MAT1A: variants seen among roughly 807,000 people sequenced by gnomAD.
MAT1A encodes S-adenosylmethionine synthase isoform type-1.
In MAT1A, 19 loss-of-function variants were observed where a neutral mutation model predicts 44.0. The ratio of observed to expected loss-of-function variants is 0.43; its 90% CI spans 0.30 to 0.63. MAT1A has a LOEUF of 0.63. MAT1A is among the 30% of genes least tolerant of loss of function. The pLI, the probability that MAT1A is intolerant of heterozygous loss-of-function variation, is 0.12. For synonymous variants in MAT1A, 205 were observed against 205.6 expected (o/e 1.00, Z 0.03); for missense variants, 397 against 531.0 (o/e 0.75, Z 2.48).
rs116659053 is a variant in MAT1A at position 80,274,539 on chromosome 10, G to A, written c.1066C>T (p.Arg356Trp). Reference protein sequence around the residue: ...LDVVHKNFDLRPGVIVRDLDL... With the variant: ...LDVVHKNFDLWPGVIVRDLDL... ...CTTTACCTGACAATGACGCCCGGCCGGAGGTCGAAGTTCTTATGCACCACA... is the reference window on the plus strand; with the variant it reads ...CTTTACCTGACAATGACGCCCGGCCAGAGGTCGAAGTTCTTATGCACCACA... The change falls in exon 8 of 9, where the codon CGG (arginine) becomes TGG (tryptophan). Residue 356 changes from arginine (R) to tryptophan (W), a missense_variant. By Grantham distance (101) the Arg-to-Trp change is moderately radical (BLOSUM62 -3). Transcript: ENST00000372213. 3 of 1,614,210 alleles carry A rather than the reference G, an allele frequency of 1.9e-6. No homozygotes were observed. Among genetic ancestry groups the A allele is most frequent in the African/African-American group, 1.3e-5 (1 of 75,048 alleles).
chr10:80,281,876 C>T (rs747910020), intron 3 of MAT1A, among the ~76,000 whole-genome samples: 1 of 152,136 alleles, frequency 6.6e-6, no homozygotes, highest in Non-Finnish European at 1.5e-5. Flanking sequence ...CACTAGGTCC[C>T]TGCCTAGAAC....
At chr10:80,289,199 T>C in intron 1 of MAT1A, 134 bp downstream of exon 1, 2 of 772,438 alleles carry the variant, frequency 2.6e-6, no homozygotes, top group South Asian at 2.8e-5. Flanking sequence ...GTTATACTCA[T>C]GGATCAAAAC....
chr10:80,282,108 A>G (rs1327488889), intron 3 of MAT1A, among the ~76,000 whole-genome samples: 1 of 152,222 alleles, frequency 6.6e-6, no homozygotes, highest in Non-Finnish European at 1.5e-5. Context: ...AACAGTCTTT[A>G]AAGAACTGCC....
intron 5 of MAT1A, among the ~76,000 whole-genome samples, chr10:80,279,607 A>G (rs1360457645): frequency 6.6e-6 from 1 of 152,122 alleles, no homozygotes; most frequent in Non-Finnish European, 1.5e-5. Flanking sequence ...TCAGCCTTCA[A>G]ATATAGGCCT....
At chr10:80,281,102 C>T (rs1841560455) in intron 3 of MAT1A, among the ~76,000 whole-genome samples, 1 of 152,144 alleles carries the variant, frequency 6.6e-6, no homozygotes, top group African/African-American at 2.4e-5. Context: ...CAAGGTGATG[C>T]CAAGGCTCCT....
intron 5 of MAT1A, among the ~76,000 whole-genome samples, chr10:80,278,852 C>T (rs928100374): frequency 2.6e-5 from 4 of 152,212 alleles, no homozygotes; most frequent in Admixed American, 6.5e-5. Flanking sequence ...AAGGCGCTGG[C>T]GCTGTCTGCT....
intron 3 of MAT1A, among the ~76,000 whole-genome samples, chr10:80,282,391 G>A (rs925980406): frequency 3.9e-5 from 6 of 152,294 alleles, no homozygotes; most frequent in African/African-American, 1.4e-4. Context: ...TTGGGCACAG[G>A]GAACCTCAGC....
rs1435944539 is a variant in MAT1A at position 80,273,318 on chromosome 10, G to A, written c.*463C>T. 3 of 251,600 alleles carry A rather than the reference G, an allele frequency of 1.2e-5. No homozygotes were observed. Among genetic ancestry groups the A allele is most frequent in the East Asian group, 2.0e-4 (2 of 10,060 alleles). 15.6% of individuals were successfully genotyped at this position (251,600 alleles called of 1,614,324 possible). ...CCTGCCACATGCCTGGCCTGGGTGG[G>A]GCTTTCTGGAGACCCTGGCTCAGGG... On this transcript the variant is annotated 3_prime_UTR_variant, in exon 9 of 9. Transcript: ENST00000372213.
chr10:80,283,281 G>A (rs1841593185), intron 3 of MAT1A, among the ~76,000 whole-genome samples: 1 of 152,232 alleles, frequency 6.6e-6, no homozygotes, highest in Non-Finnish European at 1.5e-5. Context: ...AGTCTCAGAT[G>A]TTGGAATCTG....
intron 2 of MAT1A, among the ~76,000 whole-genome samples, chr10:80,284,334 G>T (rs951156460): frequency 6.6e-6 from 1 of 152,096 alleles, no homozygotes; most frequent in African/African-American, 2.4e-5. Flanking sequence ...TTATAAGACT[G>T]CTATGTGGAT....
chr10:80,279,834 C>G (rs1841537890), intron 5 of MAT1A, among the ~76,000 whole-genome samples: 1 of 151,912 alleles, frequency 6.6e-6, no homozygotes, highest in Admixed American at 6.6e-5. Flanking sequence ...CACAGACAGC[C>G]TGTTCAGGAC....
chr10:80,273,707 GCC>G lies in MAT1A; in HGVS notation c.*72_*73del. On this transcript the variant is annotated 3_prime_UTR_variant, in exon 9 of 9. Transcript: ENST00000372213. ...TGGTGGGTGGGGAAGGCGATCAGCA[GCC>G]AGGCGTCTGGGGAAGAGGAGCATGG... is the stretch of plus-strand genomic sequence containing the variant. 1 of 1,083,524 alleles carries G rather than the reference GCC, an allele frequency of 9.2e-7. No individual in the cohort carries two copies. The highest frequency in any genetic ancestry group is 1.4e-6 in the Non-Finnish European group (1 of 698,654). 67.1% of individuals were successfully genotyped at this position (1,083,524 alleles called of 1,614,324 possible). A position where few individuals can be genotyped will look rare whatever the true frequency, so the allele number is the denominator to read the frequency against.
chr10:80,284,022 G>A lies in MAT1A; in HGVS notation c.186C>T (p.Thr62=), dbSNP rs568227561. The A allele has an allele frequency of 6.2e-6, 10 of 1,614,118 alleles. No individual in the cohort carries two copies. Among genetic ancestry groups the A allele is most frequent in the East Asian group, 2.2e-5 (1 of 44,882 alleles). The change falls in exon 3 of 9, where the codon ACC becomes ACT. Residue 62 remains threonine (T), a synonymous_variant. Transcript: ENST00000372213. ...TCTCACCACACAGCAGCACCATGCCGGTCTTGCACACTGTCTCTGAAAGGG... is the reference window on the plus strand; with the variant it reads ...TCTCACCACACAGCAGCACCATGCCAGTCTTGCACACTGTCTCTGAAAGGG... ...AKVACETVCK[T]GMVLLCGEIT...
At chr10:80,278,702 G>T (rs1841521968) in intron 5 of MAT1A, among the ~76,000 whole-genome samples, 1 of 152,254 alleles carries the variant, frequency 6.6e-6, no homozygotes, top group Non-Finnish European at 1.5e-5. Context: ...CAGCCAGTAT[G>T]CAACCTCTGC....
intron 3 of MAT1A, among the ~76,000 whole-genome samples, chr10:80,281,612 A>G (rs1277118140): frequency 6.6e-6 from 1 of 152,130 alleles, no homozygotes; most frequent in Non-Finnish European, 1.5e-5. Flanking sequence ...AAGGTCAAGC[A>G]TAGTGACACA....
At chr10:80,289,049 G>A (rs1225357370) in intron 1 of MAT1A, among the ~76,000 whole-genome samples, 5 of 152,226 alleles carry the variant, frequency 3.3e-5, no homozygotes, top group South Asian at 2.1e-4. Flanking sequence ...AGTCAGATAG[G>A]AGGAATGAGC....
chr10:80,278,493 C>T (rs1035262865), intron 5 of MAT1A, among the ~76,000 whole-genome samples: 1 of 152,232 alleles, frequency 6.6e-6, no homozygotes, highest in Non-Finnish European at 1.5e-5. Flanking sequence ...CAGGACAGGA[C>T]AGGCAGGCCG....
intron 2 of MAT1A, among the ~76,000 whole-genome samples, chr10:80,284,999 G>C (rs1443491615): frequency 1.3e-5 from 2 of 152,208 alleles, no homozygotes; most frequent in Non-Finnish European, 2.9e-5. Context: ...TTGCCTTCCT[G>C]TTGCTATTAA....
At chr10:80,287,112 A>T (rs1841659770) in intron 1 of MAT1A, among the ~76,000 whole-genome samples, 1 of 152,212 alleles carries the variant, frequency 6.6e-6, no homozygotes, top group South Asian at 2.1e-4. Context: ...CAGAGTTCCT[A>T]GAAGCTTGCT....
Sources: allele counts gnomAD v4.1 joint callset (sites outside exome capture counted in the v4.1 genomes callset), GRCh38; gene constraint gnomAD v4.1.1; transcripts MANE v1.5; gene names NCBI Gene and HGNC (gene_info 2026-07-23, HGNC 2026-07-21).